The following PBX3 variants were observed in gnomAD, a reference collection of about 807,000 sequenced individuals.
PBX3 encodes pre-B-cell leukemia transcription factor 3.
Under a neutral mutation model 48.5 loss-of-function variants are expected in PBX3, and 14 were observed. The observed-to-expected ratio is 0.29, with a 90% CI of 0.19 to 0.45. PBX3 has a LOEUF of 0.45. Among genes scored for constraint, PBX3 ranks in the 20% least tolerant of loss-of-function variants. PBX3 has a pLI of 1.00. For synonymous variants in PBX3, 210 were observed against 200.3 expected (o/e 1.05, Z -0.41); for missense variants, 386 against 546.7 (o/e 0.71, Z 2.93).
rs908652595 is a variant in PBX3, at chr9:125,889,803, G to T, written c.275-25883G>T. On this transcript the variant is annotated intron_variant, in intron 2 of 8. Coordinates refer to ENST00000373489, the MANE Select transcript of PBX3 (RefSeq NM_006195.6). ...GGGGCCTCCCGGCGCGAACGCGGGA[G>T]GGGGAGCCGGATCGCCGTCCGCCGC... is the stretch of plus-strand genomic sequence containing the variant. 3.4e-5 allele frequency among the ~76,000 whole-genome samples: 5 copies of T among 148,974 alleles called. No homozygotes were observed. The East Asian group carries it at 5.8e-4, about 17-fold the overall frequency.
At chr9:125,862,353 G>A (rs1478362108) in intron 2 of PBX3, among the ~76,000 whole-genome samples, 1 of 152,134 alleles carries the variant, frequency 6.6e-6, no homozygotes, top group Non-Finnish European at 1.5e-5. Flanking sequence ...TATGGAATGA[G>A]TATCAGTGGC....
chr9:125,775,548 G>A (rs1837050080), intron 2 of PBX3, among the ~76,000 whole-genome samples: 1 of 152,070 alleles, frequency 6.6e-6, no homozygotes, highest in Admixed American at 6.5e-5. Context: ...AAAATAAATC[G>A]ATTATAGATA....
In PBX3 at chr9:125,755,672, G is replaced by GT. The variant is rs11310993; in HGVS notation, c.274+7071dup. Among the ~76,000 whole-genome samples the GT allele has an allele frequency of 8.9e-3, 851 of 95,206 alleles. 5 individuals carry two copies. Among genetic ancestry groups the GT allele is most frequent in the East Asian group, 0.024 (71 of 2,944 alleles). 62.5% of individuals were successfully genotyped at this position (95,206 alleles called of 152,430 possible). On this transcript the variant is annotated intron_variant, in intron 2 of 8. Coordinates refer to ENST00000373489, the MANE Select transcript of PBX3 (RefSeq NM_006195.6). ...GAGCTTTAGCATCAGGAGGAGCTTTGTTTTTTTTTTTTTTTTTTTTTTGAG... is the reference window on the plus strand; with the variant it reads ...GAGCTTTAGCATCAGGAGGAGCTTTGTTTTTTTTTTTTTTTTTTTTTTTGAG...
chr9:125,892,472 A>T (rs1352888617), intron 2 of PBX3, among the ~76,000 whole-genome samples: 1 of 152,206 alleles, frequency 6.6e-6, no homozygotes, highest in South Asian at 2.1e-4. Flanking sequence ...AAAAAATCAT[A>T]TTCTTACATG....
intron 2 of PBX3, among the ~76,000 whole-genome samples, chr9:125,848,304 T>C (rs1167127123): frequency 2.0e-5 from 3 of 152,062 alleles, no homozygotes; most frequent in African/African-American, 7.2e-5. Flanking sequence ...CTTCCACATT[T>C]TAGTTTTTAA....
chr9:125,932,660 CAA>C (rs1841744044), intron 4 of PBX3, among the ~76,000 whole-genome samples: 1 of 152,128 alleles, frequency 6.6e-6, no homozygotes, highest in Non-Finnish European at 1.5e-5. Context: ...CATTATGTAA[CAA>C]AGATAGTAAA....
At chr9:125,940,640 T>C (rs971460870) in intron 5 of PBX3, among the ~76,000 whole-genome samples, 1 of 152,222 alleles carries the variant, frequency 6.6e-6, no homozygotes, top group Non-Finnish European at 1.5e-5. Flanking sequence ...GGTATATTTA[T>C]GTATATTTGG....
At chr9:125,860,676 A>T (rs1454397597) in intron 2 of PBX3, among the ~76,000 whole-genome samples, 1 of 152,020 alleles carries the variant, frequency 6.6e-6, no homozygotes, top group Admixed American at 6.6e-5. Flanking sequence ...AGATCACCTG[A>T]GGTTAGGAGT....
intron 5 of PBX3, among the ~76,000 whole-genome samples, chr9:125,938,981 A>ATG (rs144168364): frequency 0.074 from 11,235 of 151,134 alleles, 738 homozygotes; most frequent in African/African-American, 0.18. Flanking sequence ...TTGCATGTAT[A>ATG]TGTGTGTGTG....
intron 2 of PBX3, among the ~76,000 whole-genome samples, chr9:125,801,550 C>A (rs987720894): frequency 6.6e-6 from 1 of 152,118 alleles, no homozygotes. Context: ...ATTACAAACA[C>A]CTTTTCACAT....
At chr9:125,894,092 G>A (rs1840713460) in intron 2 of PBX3, among the ~76,000 whole-genome samples, 2 of 136,296 alleles carry the variant, frequency 1.5e-5, no homozygotes, top group Admixed American at 7.7e-5. Context: ...AGTACAAAAG[G>A]CATTTTGTAA....
At chr9:125,781,596 G>C (rs1334059050) in intron 2 of PBX3, among the ~76,000 whole-genome samples, 2 of 145,918 alleles carry the variant, frequency 1.4e-5, no homozygotes, top group Non-Finnish European at 3.0e-5. Context: ...CGAGAGGCGA[G>C]AGGGAGAGGC....
At chr9:125,811,228 C>G (rs1692478349) in intron 2 of PBX3, among the ~76,000 whole-genome samples, 1 of 152,170 alleles carries the variant, frequency 6.6e-6, no homozygotes, top group Admixed American at 6.5e-5. Flanking sequence ...AGTGTCGTAG[C>G]TTGGGCAGCT....
intron 2 of PBX3, among the ~76,000 whole-genome samples, chr9:125,834,684 C>T (rs36015772): frequency 2.0e-5 from 3 of 151,378 alleles, no homozygotes; most frequent in Non-Finnish European, 4.4e-5. Context: ...AGGCATGAGC[C>T]ACCTCACCCG....
chr9:125,919,115 A>C (rs985308956), intron 3 of PBX3, among the ~76,000 whole-genome samples: 1 of 152,188 alleles, frequency 6.6e-6, no homozygotes, highest in African/African-American at 2.4e-5. Flanking sequence ...GTACCCATGT[A>C]GAACTGGAAA....
chr9:125,747,798 C>CG (rs1462365391), intron 1 of PBX3, 145 bp downstream of exon 1: 9 of 576,698 alleles, frequency 1.6e-5, no homozygotes, highest in African/African-American at 4.0e-5. Context: ...GCCCCGGCCT[C>CG]GGGGGGACTT....
intron 2 of PBX3, among the ~76,000 whole-genome samples, chr9:125,751,442 A>G (rs1305863422): frequency 2.0e-5 from 3 of 152,226 alleles, no homozygotes; most frequent in Non-Finnish European, 4.4e-5. Context: ...CCCCTCTACC[A>G]TATATGAAAA....
At chr9:125,879,812 A>T (rs888434439) in intron 2 of PBX3, among the ~76,000 whole-genome samples, 5 of 152,126 alleles carry the variant, frequency 3.3e-5, no homozygotes, top group African/African-American at 1.2e-4. Context: ...AATACCTTTT[A>T]TTATTTCCAA....
chr9:125,932,262 G>T (rs954454541), intron 4 of PBX3, among the ~76,000 whole-genome samples: 3 of 152,184 alleles, frequency 2.0e-5, no homozygotes, highest in African/African-American at 7.2e-5. Context: ...TGGTCTAAAT[G>T]CTCGCTTTTC....
Sources: gnomAD v4.1 joint callset for allele counts (sites outside exome capture counted in the v4.1 genomes callset) on GRCh38, gnomAD v4.1.1 for gene constraint, MANE v1.5 for transcripts, NCBI Gene and HGNC (gene_info 2026-07-23, HGNC 2026-07-21) for gene names.